Variants in KIRREL3 observed in about 807,000 individuals in gnomAD.
KIRREL3 encodes kirre like nephrin family adhesion molecule 3.
Under a neutral mutation model 89.7 loss-of-function variants are expected in KIRREL3, and 36 were observed. The observed-to-expected ratio is 0.40, with a 90% CI of 0.31 to 0.53. KIRREL3 has a LOEUF of 0.53. Ranked by LOEUF, KIRREL3 falls within the 20% of genes least tolerant of loss-of-function variation. The pLI is 0.49. For missense variants in KIRREL3, 864 were observed against 1,056.6 expected (o/e 0.82, Z 2.53); for synonymous variants, 445 against 441.4 (o/e 1.01, Z -0.10).
At chr11:126,502,678 G>C (rs1591643121) in intron 4 of KIRREL3, among the ~76,000 whole-genome samples, 1 of 152,196 alleles carries the variant, frequency 6.6e-6, no homozygotes, top group African/African-American at 2.4e-5. Flanking sequence ...TAAGAGACTG[G>C]CGCAGACTTG....
Position 126,620,300 on chromosome 11 carries a change from C to A in KIRREL3, c.56-57388G>T, listed in dbSNP as rs1943524783. ...TGGATTCTAGACCCATTATCTTGAT[C>A]ATTCTTTATCAGCAAATCTCTTGCT... On this transcript the variant is annotated intron_variant, in intron 1 of 16. Transcript: ENST00000525144. The surrounding 1 kb of genome is among the most constrained non-coding windows in gnomAD (Gnocchi z 4.8). Among the ~76,000 whole-genome samples the A allele has an allele frequency of 6.6e-6, 1 of 152,174 alleles. No individual in the cohort carries two copies. The highest frequency in any genetic ancestry group is 1.5e-5 in the Non-Finnish European group (1 of 68,026).
rs1029653049 is a variant in KIRREL3, at chr11:126,683,599, TAC to T, written c.56-120689_56-120688del. Among the ~76,000 whole-genome samples, 5 of 152,158 alleles carry T rather than the reference TAC, an allele frequency of 3.3e-5. No individual in the cohort carries two copies. The highest frequency in any genetic ancestry group is 3.3e-4 in the Admixed American group (5 of 15,284). ...TGATGCTCAGCACATTGCCTGACAA[TAC>T]TAAGTGTTCAACCAATGCTCATGAT... On this transcript the variant is annotated intron_variant, in intron 1 of 16. Transcript: ENST00000525144. This position sits in a 1 kb window ranked among gnomAD's most constrained non-coding sequence, Gnocchi z 5.2.
chr11:126,772,237 T>G lies in KIRREL3; in HGVS notation c.56-209325A>C, dbSNP rs897101809. 6.6e-6 allele frequency among the ~76,000 whole-genome samples: 1 copy of G among 152,102 alleles called. No homozygotes were observed. The highest frequency in any genetic ancestry group is 1.5e-5 in the Non-Finnish European group (1 of 68,024). ...ATGCACTACAAATCAGAAAGAACAG[T>G]GCTAAGATTTGGATAGGGGAATTGA... On this transcript the variant is annotated intron_variant, in intron 1 of 16. Transcript: ENST00000525144. This position sits in a 1 kb window ranked among gnomAD's most constrained non-coding sequence, Gnocchi z 4.6.
chr11:126,726,620 G>A (rs1014415304), intron 1 of KIRREL3, among the ~76,000 whole-genome samples: 3 of 151,964 alleles, frequency 2.0e-5, no homozygotes, highest in Non-Finnish European at 2.9e-5. Flanking sequence ...TGCCCACCTC[G>A]GCCTCCCAAA....
Position 126,569,536 on chromosome 11 carries a change from A to T in KIRREL3, c.56-6624T>A, listed in dbSNP as rs1940768596. Among the ~76,000 whole-genome samples the T allele has an allele frequency of 6.6e-6, 1 of 152,220 alleles. No individual in the cohort carries two copies. The highest frequency in any genetic ancestry group is 1.5e-5 in the Non-Finnish European group (1 of 68,040). On this transcript the variant is annotated intron_variant, in intron 1 of 16. Transcript: ENST00000525144. This position sits in a 1 kb window ranked among gnomAD's most constrained non-coding sequence, Gnocchi z 6.5. ...GTGCAAGAGAAAAAAATAGTAGGCA[A>T]ACTTCCTAGCCCAAAGATACTATAA... is the stretch of plus-strand genomic sequence containing the variant.
At chr11:126,855,528 GA>G (rs999627922) in intron 1 of KIRREL3, among the ~76,000 whole-genome samples, 2 of 152,198 alleles carry the variant, frequency 1.3e-5, no homozygotes, top group African/African-American at 4.8e-5. Context: ...AGCAATGTGA[GA>G]ATGAACTAAT....
At chr11:126,560,572 G>A (rs71475967) in intron 2 of KIRREL3, among the ~76,000 whole-genome samples, 3 of 152,274 alleles carry the variant, frequency 2.0e-5, no homozygotes, top group Admixed American at 2.0e-4. Context: ...TTGGAATGTA[G>A]TGAGGAGGGA....
In KIRREL3 at chr11:126,811,901, A is replaced by G. The variant is rs1951402339; in HGVS notation, c.55+188554T>C. Among the ~76,000 whole-genome samples, 1 of 152,124 alleles carries G rather than the reference A, an allele frequency of 6.6e-6. No individual in the cohort carries two copies. Among genetic ancestry groups the G allele is most frequent in the African/African-American group, 2.4e-5 (1 of 41,422 alleles). Reference sequence around the variant, plus strand: ...TGTGCCTGGCCAGCAATGAACTTCTAAGAGAAATCAGATCAAGCCCTCAAA... The same window carrying G: ...TGTGCCTGGCCAGCAATGAACTTCTGAGAGAAATCAGATCAAGCCCTCAAA... On this transcript the variant is annotated intron_variant, in intron 1 of 16. Transcript: ENST00000525144. The surrounding 1 kb of genome is among the most constrained non-coding windows in gnomAD (Gnocchi z 4.3).
rs1950559008 is a variant in KIRREL3, at chr11:126,788,908, G to A, written c.55+211547C>T. Among the ~76,000 whole-genome samples, 1 of 152,170 alleles carries A rather than the reference G, an allele frequency of 6.6e-6. No homozygotes were observed. Among genetic ancestry groups the A allele is most frequent in the African/African-American group, 2.4e-5 (1 of 41,434 alleles). On this transcript the variant is annotated intron_variant, in intron 1 of 16. Transcript: ENST00000525144. This position sits in a 1 kb window ranked among gnomAD's most constrained non-coding sequence, Gnocchi z 4.1. ...TAAATAATCATTATTATCAAAGAGT[G>A]TCATGTATTAAGCATCTACTGGAGT...
chr11:126,927,387 A>T (rs1436351313), intron 1 of KIRREL3, among the ~76,000 whole-genome samples: 1 of 152,268 alleles, frequency 6.6e-6, no homozygotes, highest in Non-Finnish European at 1.5e-5. Flanking sequence ...TTACCCAGTT[A>T]TATATACACC....
chr11:126,868,034 G>GTAA (rs1474253963), intron 1 of KIRREL3, among the ~76,000 whole-genome samples: 1 of 127,300 alleles, frequency 7.9e-6, no homozygotes, highest in African/African-American at 2.9e-5. Flanking sequence ...AAATGTCTGA[G>GTAA]TAATACAGCT....
intron 1 of KIRREL3, among the ~76,000 whole-genome samples, chr11:126,661,243 G>A (rs934312325): frequency 3.3e-5 from 5 of 149,888 alleles, no homozygotes; most frequent in African/African-American, 1.2e-4. Flanking sequence ...ACTAGCAGAG[G>A]GTCATGCCTC....
At chr11:126,893,622 G>T (rs11220651) in intron 1 of KIRREL3, among the ~76,000 whole-genome samples, 3 of 152,138 alleles carry the variant, frequency 2.0e-5, no homozygotes, top group Admixed American at 1.3e-4. Flanking sequence ...CCGGGTTACC[G>T]TGAGCTGATC....
Position 126,948,457 on chromosome 11 carries a change from G to C in KIRREL3, c.55+51998C>G, listed in dbSNP as rs1309365845. 2.0e-5 allele frequency among the ~76,000 whole-genome samples: 3 copies of C among 152,136 alleles called. No individual in the cohort carries two copies. The highest frequency in any genetic ancestry group is 6.5e-5 in the Admixed American group (1 of 15,272). The stretch of plus-strand genomic sequence containing the variant: ...GCTAAGAGAACAGCGGGGTAGACTA[G>C]AAATACTATGCAGGGACTCTTGTTC... On this transcript the variant is annotated intron_variant, in intron 1 of 16. Coordinates refer to ENST00000525144, the MANE Select transcript of KIRREL3 (RefSeq NM_032531.4). This position sits in a 1 kb window ranked among gnomAD's most constrained non-coding sequence, Gnocchi z 4.5.
rs1199373311 is a variant in KIRREL3, at chr11:126,495,895, C to T, written c.434-22429G>A. Among the ~76,000 whole-genome samples, 4 of 152,220 alleles carry T rather than the reference C, an allele frequency of 2.6e-5. No homozygotes were observed. The highest frequency in any genetic ancestry group is 5.9e-5 in the Non-Finnish European group (4 of 68,048). ...ACCTTGGGATTGTCCTTGACTTGCC[C>T]TTTCTCTCGTATCCTAATTGCTGTG... is the stretch of plus-strand genomic sequence containing the variant. On this transcript the variant is annotated intron_variant, in intron 4 of 16. Coordinates refer to ENST00000525144, the MANE Select transcript of KIRREL3 (RefSeq NM_032531.4). This position sits in a 1 kb window ranked among gnomAD's most constrained non-coding sequence, Gnocchi z 6.5.
intron 1 of KIRREL3, among the ~76,000 whole-genome samples, chr11:126,939,565 T>G (rs2135104047): frequency 6.6e-6 from 1 of 152,292 alleles, no homozygotes; most frequent in East Asian, 1.9e-4. Context: ...GGAGAAAGGC[T>G]GCTCCTCTGG....
chr11:126,845,753 T>A (rs2134542100), intron 1 of KIRREL3, among the ~76,000 whole-genome samples: 1 of 152,290 alleles, frequency 6.6e-6, no homozygotes, highest in Non-Finnish European at 1.5e-5. Flanking sequence ...TACCTTAAAT[T>A]TTCCTTTTTC....
At chr11:126,581,432 C>T (rs1035178724) in intron 1 of KIRREL3, among the ~76,000 whole-genome samples, 1 of 152,106 alleles carries the variant, frequency 6.6e-6, no homozygotes, top group African/African-American at 2.4e-5. Context: ...AAACTCCTGA[C>T]CTCAGGTGAT....
In KIRREL3 at chr11:126,898,360, C is replaced by T. The variant is rs774087656; in HGVS notation, c.55+102095G>A. ...ATATTTTAGAATATTCCTGGCAGTA[C>T]TTAATGAAATTGTGCATGCATATAT... On this transcript the variant is annotated intron_variant, in intron 1 of 16. Transcript: ENST00000525144. The surrounding 1 kb of genome is among the most constrained non-coding windows in gnomAD (Gnocchi z 4.9). 2.6e-5 allele frequency among the ~76,000 whole-genome samples: 4 copies of T among 152,152 alleles called. No individual in the cohort carries two copies. Among genetic ancestry groups the T allele is most frequent in the Non-Finnish European group, 5.9e-5 (4 of 68,034 alleles).
Sources: allele counts gnomAD v4.1 joint callset (sites outside exome capture counted in the v4.1 genomes callset), GRCh38; gene constraint gnomAD v4.1.1; non-coding constraint Gnocchi (gnomAD v3.1); transcripts MANE v1.5; gene names NCBI Gene and HGNC (gene_info 2026-07-23, HGNC 2026-07-21).